Variants in EHBP1 observed in about 807,000 individuals in gnomAD.
The protein encoded by EHBP1 is EH domain-binding protein 1.
A neutral mutation model predicts 144.0 loss-of-function variants in EHBP1; 55 were observed. The observed-to-expected ratio is 0.38, with a 90% CI of 0.31 to 0.48. EHBP1 has a LOEUF of 0.48. EHBP1 is among the 20% of genes least tolerant of loss of function. The pLI is 0.98. For synonymous variants in EHBP1, 469 were observed against 472.7 expected (o/e 0.99, Z 0.10); for missense variants, 1,200 against 1,364.2 (o/e 0.88, Z 1.90).
intron 10 of EHBP1, among the ~76,000 whole-genome samples, chr2:62,941,624 G>T (rs555429223): frequency 6.6e-6 from 1 of 152,196 alleles, no homozygotes; most frequent in East Asian, 1.9e-4. Flanking sequence ...ACATGCTTTT[G>T]TCAAGTGGGG....
At chr2:62,997,943 A>G (rs2059706921) in intron 19 of EHBP1, among the ~76,000 whole-genome samples, 1 of 152,204 alleles carries the variant, frequency 6.6e-6, no homozygotes, top group South Asian at 2.1e-4. Flanking sequence ...CTTACTTCAA[A>G]TAGAGTGGCT....
In EHBP1 at chr2:62,949,078, T is replaced by G; in HGVS notation, c.2232T>G (p.His744Gln). ...SRDLDLAKKK[H>Q]ASLRQTESDP... ...ATCTAGACCTTGCTAAGAAAAAACA[T>G]GCTTCCCTGAGGCAGACGGAGTCTG... is the stretch of plus-strand genomic sequence containing the variant. Residue 744 changes from histidine (H) to glutamine (Q), a missense_variant, in exon 13 of 23, where the codon CAT (histidine) becomes CAG (glutamine). Physicochemically the swap from His to Gln is conservative, Grantham distance 24. Coordinates refer to ENST00000431489, the MANE Select transcript of EHBP1 (RefSeq NM_001142616.3). The G allele has an allele frequency of 6.2e-7, 1 of 1,607,666 alleles. No homozygotes were observed. The highest frequency in any genetic ancestry group is 1.1e-5 in the South Asian group (1 of 89,068).
At chr2:63,040,201 ACT>A (rs973648850) in intron 21 of EHBP1, among the ~76,000 whole-genome samples, 1 of 150,734 alleles carries the variant, frequency 6.6e-6, no homozygotes, top group Non-Finnish European at 1.5e-5. Context: ...AATACATATA[ACT>A]CATCATACAG....
intron 19 of EHBP1, among the ~76,000 whole-genome samples, chr2:63,023,157 A>G (rs2060829651): frequency 6.6e-6 from 1 of 152,194 alleles, no homozygotes. Flanking sequence ...CCTGGACAAC[A>G]TAGCAAGACT....
chr2:62,770,019 C>G (rs760994882), intron 4 of EHBP1, among the ~76,000 whole-genome samples: 1 of 152,062 alleles, frequency 6.6e-6, no homozygotes, highest in Non-Finnish European at 1.5e-5. Context: ...AAAATCAACT[C>G]AAGATGAGTT....
chr2:62,725,310 G>T (rs1189147468), intron 2 of EHBP1, among the ~76,000 whole-genome samples: 1 of 152,232 alleles, frequency 6.6e-6, no homozygotes, highest in Non-Finnish European at 1.5e-5. Flanking sequence ...TGGCAGTGTG[G>T]TGGAGTGTAT....
chr2:62,880,829 A>T (rs1313650670), intron 10 of EHBP1, among the ~76,000 whole-genome samples: 2 of 152,158 alleles, frequency 1.3e-5, no homozygotes, highest in Non-Finnish European at 2.9e-5. Context: ...TTCAGCCACT[A>T]TGGAAAACAG....
Position 62,949,096 on chromosome 2 carries a change from G to A in EHBP1, c.2250G>A (p.Thr750=), listed in dbSNP as rs757486970. Reference sequence around the variant, plus strand: ...AAAAACATGCTTCCCTGAGGCAGACGGAGTCTGATCCAGATGCTGATAGAA... The same window carrying A: ...AAAAACATGCTTCCCTGAGGCAGACAGAGTCTGATCCAGATGCTGATAGAA... ...AKKKHASLRQ[T]ESDPDADRTT... Residue 750 remains threonine (T), a synonymous_variant, in exon 13 of 23, where the codon ACG becomes ACA. Transcript: ENST00000431489. The A allele has an allele frequency of 1.8e-5, 29 of 1,600,204 alleles. No individual in the cohort carries two copies. The highest frequency in any genetic ancestry group is 4.5e-5 in the East Asian group (2 of 44,824).
chr2:62,853,863 G>A (rs1437148772), intron 7 of EHBP1, among the ~76,000 whole-genome samples: 1 of 152,174 alleles, frequency 6.6e-6, no homozygotes, highest in Non-Finnish European at 1.5e-5. Flanking sequence ...ATGCTAAAAA[G>A]GAATGAGTAG....
rs774177570 is a variant in EHBP1 at position 63,037,535 on chromosome 2, G to A, written c.3104G>A (p.Gly1035Glu). ...EKRLRYLMDT[G>E]RNTEEEEAMM... Reference sequence around the variant, plus strand: ...AAAGGTAACTCTTCCCGAATTATAGGAAGGAACACAGAAGAAGAAGAAGCT... The same window carrying A: ...AAAGGTAACTCTTCCCGAATTATAGAAAGGAACACAGAAGAAGAAGAAGCT... The change falls in exon 20 of 23, where the codon GGA (glycine) becomes GAA (glutamate). Residue 1035 changes from glycine (G) to glutamate (E), a missense_variant and splice_region_variant. Around this residue, in one of 6 missense-constraint regions of EHBP1, gnomAD observed 149 missense variants for 217.0 expected, o/e 0.69. Coordinates refer to ENST00000431489, the MANE Select transcript of EHBP1 (RefSeq NM_001142616.3). 7.5e-6 allele frequency: 12 copies of A among 1,599,818 alleles called. No homozygotes were observed. Among genetic ancestry groups the A allele is most frequent in the Non-Finnish European group, 1.0e-5 (12 of 1,172,020 alleles).
At chr2:62,901,713 C>T (rs753141558) in intron 10 of EHBP1, among the ~76,000 whole-genome samples, 1 of 151,452 alleles carries the variant, frequency 6.6e-6, no homozygotes, top group Non-Finnish European at 1.5e-5. Flanking sequence ...ACCTATAATC[C>T]CAGCACTTTC....
chr2:63,021,096 C>G (rs2060725538), intron 19 of EHBP1, among the ~76,000 whole-genome samples: 1 of 147,890 alleles, frequency 6.8e-6, no homozygotes, highest in Non-Finnish European at 1.5e-5. Flanking sequence ...GCTGGGATCA[C>G]AGGCATGCAC....
At chr2:62,880,529 A>G (rs867696500) in intron 10 of EHBP1, among the ~76,000 whole-genome samples, 2 of 152,170 alleles carry the variant, frequency 1.3e-5, no homozygotes, top group African/African-American at 2.4e-5. Flanking sequence ...TCCAAAATCC[A>G]TAGGTAACTT....
chr2:62,930,991 G>A (rs1333045855), intron 10 of EHBP1, among the ~76,000 whole-genome samples: 9 of 152,044 alleles, frequency 5.9e-5, no homozygotes, highest in Non-Finnish European at 1.2e-4. Context: ...GACACCAAAG[G>A]CACAGACAGC....
At chr2:62,980,533 G>A (rs2058918182) in intron 15 of EHBP1, among the ~76,000 whole-genome samples, 1 of 152,140 alleles carries the variant, frequency 6.6e-6, no homozygotes, top group Non-Finnish European at 1.5e-5. Flanking sequence ...ACTTATTGCT[G>A]TTATTTCTTA....
chr2:62,845,412 A>G (rs1035115864), intron 7 of EHBP1, among the ~76,000 whole-genome samples: 3 of 152,204 alleles, frequency 2.0e-5, no homozygotes, highest in Non-Finnish European at 4.4e-5. Context: ...TTCAGGGAAC[A>G]AAATCTAACA....
chr2:62,693,533 G>A (rs1040829857), intron 1 of EHBP1, among the ~76,000 whole-genome samples: 1 of 152,114 alleles, frequency 6.6e-6, no homozygotes, highest in African/African-American at 2.4e-5. Flanking sequence ...GGATACATGT[G>A]TGTTTTTGAC....
chr2:62,803,899 C>T (rs1401276201), intron 5 of EHBP1, among the ~76,000 whole-genome samples: 1 of 150,252 alleles, frequency 6.7e-6, no homozygotes, highest in African/African-American at 2.5e-5. Context: ...GCAATGTAAC[C>T]TTAGGCAAGT....
At chr2:62,710,091 G>T (rs1346756683) in intron 2 of EHBP1, among the ~76,000 whole-genome samples, 1 of 152,104 alleles carries the variant, frequency 6.6e-6, no homozygotes, top group Non-Finnish European at 1.5e-5. Context: ...GTTTGAAAGA[G>T]ACTGTACTGT....
Sources: allele counts gnomAD v4.1 joint callset (sites outside exome capture counted in the v4.1 genomes callset), GRCh38; gene constraint gnomAD v4.1.1; regional missense constraint gnomAD v4.1.1; transcripts MANE v1.5; gene names NCBI Gene and HGNC (gene_info 2026-07-23, HGNC 2026-07-21).